The following POFUT3 variants were observed in gnomAD, a reference collection of about 807,000 sequenced individuals.
POFUT3 encodes the protein protein O-fucosyltransferase 3.
the POFUT3 span, chr8:33,338,842 CT>C: frequency 6.6e-6 from 1 of 152,054 alleles, no homozygotes; most frequent in Admixed American, 6.6e-5. Context: ...AAACAAAAGG[CT>C]TAAATAAGAC....
At chr8:33,413,559 A>G in the POFUT3 span, among the ~76,000 whole-genome samples, 5 of 152,168 alleles carry the variant, frequency 3.3e-5, no homozygotes, top group Non-Finnish European at 7.4e-5. Context: ...AACTTGTTAT[A>G]GCAGCCCAAA....
the POFUT3 span, among the ~76,000 whole-genome samples, chr8:33,447,831 T>C: frequency 6.6e-6 from 1 of 152,228 alleles, no homozygotes; most frequent in Admixed American, 6.5e-5. Context: ...TCTTTTTCAA[T>C]ACTGCTGCCC....
At chr8:33,373,424 C>T in the POFUT3 span, among the ~76,000 whole-genome samples, 1 of 152,072 alleles carries the variant, frequency 6.6e-6, no homozygotes, top group Non-Finnish European at 1.5e-5. Flanking sequence ...AAGATGTTTC[C>T]ACCCAACAAT....
At chr8:33,451,479 T>C in the POFUT3 span, among the ~76,000 whole-genome samples, 1 of 152,046 alleles carries the variant, frequency 6.6e-6, no homozygotes, top group African/African-American at 2.4e-5. Flanking sequence ...TGTGTGTGTA[T>C]ATGCATATAT....
At chr8:33,433,629 G>C in the POFUT3 span, among the ~76,000 whole-genome samples, 1 of 127,246 alleles carries the variant, frequency 7.9e-6, no homozygotes, top group Non-Finnish European at 1.7e-5. Context: ...AAAAAAAATT[G>C]AAAAACTAGC....
chr8:33,416,830 C>CAA, the POFUT3 span, among the ~76,000 whole-genome samples: 77 of 44,410 alleles, frequency 1.7e-3, 1 homozygote, highest in African/African-American at 4.1e-3. Context: ...TGGGCGACGA[C>CAA]AAAAAAAAAA....
At chr8:33,367,551 CTG>C in the POFUT3 span, among the ~76,000 whole-genome samples, 4 of 152,106 alleles carry the variant, frequency 2.6e-5, no homozygotes, top group Admixed American at 1.3e-4. Context: ...CTCTATATTT[CTG>C]TGTGTGTGTC....
chr8:33,311,367 A>G, the POFUT3 span, among the ~76,000 whole-genome samples: 1 of 152,214 alleles, frequency 6.6e-6, no homozygotes, highest in Non-Finnish European at 1.5e-5. Context: ...TAAAAACTCA[A>G]TAGATACATG....
the POFUT3 span, among the ~76,000 whole-genome samples, chr8:33,332,488 GA>G: frequency 9.2e-3 from 566 of 61,220 alleles, 6 homozygotes; most frequent in African/African-American, 0.02. Flanking sequence ...CTGTCTGAAA[GA>G]AAAAAAAAAA....
At chr8:33,419,294 T>G in the POFUT3 span, among the ~76,000 whole-genome samples, 1 of 152,206 alleles carries the variant, frequency 6.6e-6, no homozygotes, top group Non-Finnish European at 1.5e-5. Context: ...TCCAACCCTT[T>G]TGGCACCAGG....
the POFUT3 span, among the ~76,000 whole-genome samples, chr8:33,318,459 A>G: frequency 7.2e-6 from 1 of 138,020 alleles, no homozygotes; most frequent in Non-Finnish European, 1.5e-5. Flanking sequence ...TGTGTGTATG[A>G]ATTCTATTAT....
At chr8:33,383,320 G>A in the POFUT3 span, among the ~76,000 whole-genome samples, 2 of 152,114 alleles carry the variant, frequency 1.3e-5, no homozygotes, top group African/African-American at 4.8e-5. Flanking sequence ...CAGGAGTGGC[G>A]CTAAAGAGCA....
the POFUT3 span, among the ~76,000 whole-genome samples, chr8:33,318,118 T>A: frequency 6.6e-6 from 1 of 152,112 alleles, no homozygotes; most frequent in African/African-American, 2.4e-5. Context: ...CTGTTATCTA[T>A]GCATTGGACC....
the POFUT3 span, among the ~76,000 whole-genome samples, chr8:33,342,027 A>G: frequency 1.3e-5 from 2 of 152,110 alleles, no homozygotes; most frequent in Non-Finnish European, 2.9e-5. Context: ...CTAAATATAC[A>G]AAATTAGCCA....
the POFUT3 span, among the ~76,000 whole-genome samples, chr8:33,345,229 A>G: frequency 6.6e-6 from 1 of 152,092 alleles, no homozygotes; most frequent in African/African-American, 2.4e-5. Context: ...TTTTTATTAA[A>G]TTACCCTGAA....
At chr8:33,438,680 A>G in the POFUT3 span, among the ~76,000 whole-genome samples, 1 of 152,220 alleles carries the variant, frequency 6.6e-6, no homozygotes, top group Non-Finnish European at 1.5e-5. Flanking sequence ...ATAGACCCAC[A>G]GTTACACATG....
the POFUT3 span, among the ~76,000 whole-genome samples, chr8:33,379,993 ATATATATATAC>A: frequency 1.4e-5 from 1 of 71,376 alleles, no homozygotes; most frequent in Non-Finnish European, 2.3e-5. Flanking sequence ...TATATATAGT[ATATATATATAC>A]TATATATATA....
chr8:33,469,981 G>A, the POFUT3 span, among the ~76,000 whole-genome samples: 1 of 151,406 alleles, frequency 6.6e-6, no homozygotes, highest in African/African-American at 2.4e-5. Context: ...TTTTAGTAGA[G>A]ACAGGGTTTC....
At chr8:33,463,695 C>T in the POFUT3 span, among the ~76,000 whole-genome samples, 228 of 152,208 alleles carry the variant, frequency 1.5e-3, no homozygotes, top group African/African-American at 5.1e-3. Context: ...ATGGCATGTG[C>T]CACCACACCC....
Sources: gnomAD v4.1 joint callset for allele counts (sites outside exome capture counted in the v4.1 genomes callset) on GRCh38, gnomAD v4.1.1 for gene constraint, MANE v1.5 for transcripts, NCBI Gene and HGNC (gene_info 2026-07-23, HGNC 2026-07-21) for gene names.